Variants in TRAF3IP1 observed in about 807,000 individuals in gnomAD.
TRAF3IP1 encodes intraflagellar transport 54.
A neutral mutation model predicts 89.9 loss-of-function variants in TRAF3IP1; 53 were observed. The ratio of observed to expected loss-of-function variants is 0.59; its 90% CI spans 0.47 to 0.74. The LOEUF (loss-of-function observed/expected upper bound fraction) is 0.74, where lower values mean the gene tolerates loss of function less well. TRAF3IP1 is among the 30% of genes least tolerant of loss of function. The probability of loss-of-function intolerance (pLI) is 0.00; values close to 1 mark genes in which losing one functional copy is unlikely to be tolerated. For synonymous variants in TRAF3IP1, 311 were observed against 322.1 expected (o/e 0.97, Z 0.37); for missense variants, 806 against 866.1 (o/e 0.93, Z 0.87).
chr2:238,385,128 G>T (rs1380638722), intron 15 of TRAF3IP1, among the ~76,000 whole-genome samples: 2 of 151,872 alleles, frequency 1.3e-5, no homozygotes, highest in Non-Finnish European at 2.9e-5. Context: ...CCATTCTCCT[G>T]CCTCAGCCTC....
At chr2:238,364,289 G>T (rs1170186413) in intron 15 of TRAF3IP1, among the ~76,000 whole-genome samples, 1 of 152,096 alleles carries the variant, frequency 6.6e-6, no homozygotes, top group Non-Finnish European at 1.5e-5. Context: ...ATACATTATA[G>T]AATAAATATG....
rs982830351 is a variant in TRAF3IP1 at position 238,338,518 on chromosome 2, T to A, written c.1159+61T>A. 2.0e-5 allele frequency: 18 copies of A among 917,156 alleles called. No homozygotes were observed. In the African/African-American group the frequency reaches 3.0e-4, roughly 16 times the overall value. The allele number at this position is 917,156 out of a possible 1,614,324, so 56.8% of individuals were successfully genotyped here. A position where few individuals can be genotyped will look rare whatever the true frequency, so the allele number is the denominator to read the frequency against. Reference sequence around the variant, plus strand: ...CCACTTTAATGTGAATGGTTATATCTCAATGTAGTTATACATTGTTAAAAA... The same window carrying A: ...CCACTTTAATGTGAATGGTTATATCACAATGTAGTTATACATTGTTAAAAA... On this transcript the variant is annotated intron_variant, in intron 8 of 16. Coordinates refer to ENST00000373327, the MANE Select transcript of TRAF3IP1 (RefSeq NM_015650.4).
intron 6 of TRAF3IP1, among the ~76,000 whole-genome samples, chr2:238,333,688 T>C (rs1319320665): frequency 1.3e-5 from 2 of 152,158 alleles, no homozygotes; most frequent in East Asian, 3.8e-4. Flanking sequence ...AATAAGACAG[T>C]GTTTCTCAAA....
At chr2:238,388,742 A>G (rs1057398368) in intron 15 of TRAF3IP1, among the ~76,000 whole-genome samples, 2 of 151,736 alleles carry the variant, frequency 1.3e-5, no homozygotes, top group Non-Finnish European at 2.9e-5. Flanking sequence ...CCTGGGCTCA[A>G]GCAATCTTCC....
intron 12 of TRAF3IP1, among the ~76,000 whole-genome samples, chr2:238,352,494 CGGAGGCCCTGAGGGT>C: frequency 6.6e-6 from 1 of 151,986 alleles, no homozygotes; most frequent in South Asian, 2.1e-4. Flanking sequence ...AGGGGAGAGG[CGGAGGCCCTGAGGGT>C]CTTTGTGCAG....
In TRAF3IP1 at chr2:238,328,762, C is replaced by G; in HGVS notation, c.431C>G (p.Ser144Ter). The G allele has an allele frequency of 6.2e-7, 1 of 1,613,946 alleles. No homozygotes were observed. The highest frequency in any genetic ancestry group is 8.5e-7 in the Non-Finnish European group (1 of 1,180,004). ...GEVKGRASLT[S>*]RSQELDNKNV... is the part of the protein sequence containing the mutation. ...GTGAAAGGCCGGGCCTCACTGACCT[C>G]AAGATCTCAGGAATTGGATAATAAG... The change falls in exon 4 of 17, where the codon TCA (serine) becomes TGA (stop). Residue 144 changes from serine to a stop codon, truncating the protein, a stop_gained. Transcript: ENST00000373327. LOFTEE classifies it high-confidence loss of function.
At chr2:238,388,372 C>T (rs1700861151) in intron 15 of TRAF3IP1, among the ~76,000 whole-genome samples, 1 of 78,992 alleles carries the variant, frequency 1.3e-5, no homozygotes, top group Non-Finnish European at 2.9e-5. Context: ...GAGACCCTGT[C>T]TCAAAAAAAA....
intron 7 of TRAF3IP1, 55 bp downstream of exon 7, chr2:238,334,090 T>TTC: frequency 7.1e-7 from 1 of 1,417,690 alleles, no homozygotes; most frequent in South Asian, 1.3e-5. Context: ...TTTTTTTTTT[T>TTC]TTGTCTTAAT....
rs137986795 is a variant in TRAF3IP1, at chr2:238,387,512, G to C, written c.1690-9947G>C. ...TAAATTTCTAAAACTATATGAAAACGGTTTGGCATTACATCATAAAGTTGA... is the reference window on the plus strand; with the variant it reads ...TAAATTTCTAAAACTATATGAAAACCGTTTGGCATTACATCATAAAGTTGA... On this transcript the variant is annotated intron_variant, in intron 15 of 16. Coordinates refer to ENST00000373327, the MANE Select transcript of TRAF3IP1 (RefSeq NM_015650.4). Among the ~76,000 whole-genome samples, 66 of 152,256 alleles carry C rather than the reference G, an allele frequency of 4.3e-4. 1 individual carries two copies. The highest frequency in any genetic ancestry group is 1.5e-3 in the African/African-American group (64 of 41,538).
At chr2:238,331,013 C>T (rs1698095051) in intron 5 of TRAF3IP1, among the ~76,000 whole-genome samples, 1 of 152,022 alleles carries the variant, frequency 6.6e-6, no homozygotes, top group Non-Finnish European at 1.5e-5. Flanking sequence ...CTAGTATATT[C>T]GGGTGTATTT....
intron 15 of TRAF3IP1, among the ~76,000 whole-genome samples, chr2:238,377,407 TC>T (rs1243226136): frequency 3.4e-5 from 5 of 147,444 alleles, no homozygotes; most frequent in Admixed American, 6.8e-5. Context: ...TTTTGTAGGT[TC>T]CCCCCCCACT....
chr2:238,332,985 A>G (rs1004034473), intron 6 of TRAF3IP1, 90 bp downstream of exon 6: 7 of 939,408 alleles, frequency 7.5e-6, no homozygotes, highest in Admixed American at 2.0e-5. Flanking sequence ...CCACTGAGGC[A>G]TGGAAGGAGC....
At chr2:238,390,999 G>T (rs1346658489) in intron 15 of TRAF3IP1, among the ~76,000 whole-genome samples, 2 of 152,076 alleles carry the variant, frequency 1.3e-5, no homozygotes, top group Non-Finnish European at 2.9e-5. Context: ...CTGTTGCCCA[G>T]GCTGGAGTAC....
At chr2:238,394,403 C>G (rs777811611) in intron 15 of TRAF3IP1, among the ~76,000 whole-genome samples, 1 of 152,198 alleles carries the variant, frequency 6.6e-6, no homozygotes, top group Non-Finnish European at 1.5e-5. Flanking sequence ...TGTGTCCTGT[C>G]TTCCATTCCA....
chr2:238,331,751 G>C (rs1045468880), intron 5 of TRAF3IP1, among the ~76,000 whole-genome samples: 2 of 152,150 alleles, frequency 1.3e-5, no homozygotes, highest in Admixed American at 1.3e-4. Context: ...GGTAAAAAGC[G>C]CCAGGCAGGT....
chr2:238,393,090 T>C (rs1559398066), intron 15 of TRAF3IP1, among the ~76,000 whole-genome samples: 1 of 152,244 alleles, frequency 6.6e-6, no homozygotes, highest in East Asian at 1.9e-4. Context: ...GTTGATACTG[T>C]AGTTGCATGT....
chr2:238,357,610 C>T (rs1171593484), intron 15 of TRAF3IP1, among the ~76,000 whole-genome samples: 2 of 152,188 alleles, frequency 1.3e-5, no homozygotes, highest in Admixed American at 6.5e-5. Context: ...CTGACAGCAC[C>T]ACTGTTTGCC....
intron 15 of TRAF3IP1, among the ~76,000 whole-genome samples, chr2:238,394,890 C>T (rs1701142214): frequency 6.6e-6 from 1 of 152,206 alleles, no homozygotes; most frequent in Non-Finnish European, 1.5e-5. Flanking sequence ...CCCTCCTGAG[C>T]CCACAGTCTG....
chr2:238,374,097 C>T (rs930913470), intron 15 of TRAF3IP1, among the ~76,000 whole-genome samples: 3 of 152,208 alleles, frequency 2.0e-5, no homozygotes, highest in South Asian at 2.1e-4. Context: ...TTGACTTCCT[C>T]ATTTCCTAAT....
Sources: gnomAD v4.1 joint callset for allele counts (sites outside exome capture counted in the v4.1 genomes callset) on GRCh38, gnomAD v4.1.1 for gene constraint, MANE v1.5 for transcripts, NCBI Gene and HGNC (gene_info 2026-07-23, HGNC 2026-07-21) for gene names.